The following FRMPD4 variants were observed in gnomAD, a reference collection of about 807,000 sequenced individuals.
FRMPD4 encodes FERM and PDZ domain-containing protein 4.
Under a neutral mutation model 94.1 loss-of-function variants are expected in FRMPD4, and 22 were observed. That is an observed-to-expected ratio of 0.23 (90% CI 0.17 to 0.33). FRMPD4 has a LOEUF of 0.33. Among genes scored for constraint, FRMPD4 ranks in the 10% least tolerant of loss-of-function variants. The pLI, the probability that FRMPD4 is intolerant of heterozygous loss-of-function variation, is 1.00. For synonymous variants in FRMPD4, 631 were observed against 548.6 expected (o/e 1.15, Z -2.10); for missense variants, 1,111 against 1,339.9 (o/e 0.83, Z 2.67).
intron 3 of FRMPD4, among the ~76,000 whole-genome samples, chrX:12,020,877 C>G (rs1280470472): frequency 5.4e-5 from 6 of 111,330 alleles, no homozygotes; most frequent in Non-Finnish European, 7.5e-5. Flanking sequence ...AAATTTTTGT[C>G]TAAAGTCTTG....
rs1432736287 is a variant in FRMPD4 at position 12,074,792 on chromosome X, G to C, written c.95+196774G>C. 6.2e-5 allele frequency among the ~76,000 whole-genome samples: 7 copies of C among 112,242 alleles called. No homozygotes were observed. The East Asian group carries it at 2.0e-3, about 31-fold the overall frequency. On this transcript the variant is annotated intron_variant, in intron 3 of 18. Coordinates refer to the FRMPD4 transcript ENST00000640291. ...CTCTGTGTGGATCTTGCACCATGTC[G>C]AGTGACATAAATAAGATAATCTCTT...
intron 1 of FRMPD4, among the ~76,000 whole-genome samples, chrX:12,391,438 G>C (rs146589584): frequency 4.1e-4 from 46 of 112,132 alleles, no homozygotes; most frequent in Non-Finnish European, 7.3e-4. Context: ...AGAAAAGGAG[G>C]CTTTCTGGTG....
intron 3 of FRMPD4, among the ~76,000 whole-genome samples, chrX:11,911,719 G>A (rs991094732): frequency 3.6e-5 from 4 of 112,179 alleles, no homozygotes; most frequent in Non-Finnish European, 7.5e-5. Context: ...GTGGACACAT[G>A]AAAGGCATCC....
chrX:12,491,760 T>A (rs2057795220), intron 1 of FRMPD4, among the ~76,000 whole-genome samples: 1 of 112,246 alleles, frequency 8.9e-6, no homozygotes, highest in Non-Finnish European at 1.9e-5. Context: ...ATCATGTGCC[T>A]GGCACTAGTC....
At chrX:12,382,417 G>A (rs2056329499) in intron 1 of FRMPD4, among the ~76,000 whole-genome samples, 1 of 110,252 alleles carries the variant, frequency 9.1e-6, no homozygotes, top group Non-Finnish European at 1.9e-5. Flanking sequence ...CATACTTGGG[G>A]ATGCTGTGAC....
At chrX:12,595,516 T>A (rs2059023118) in intron 2 of FRMPD4, among the ~76,000 whole-genome samples, 1 of 112,056 alleles carries the variant, frequency 8.9e-6, no homozygotes, top group African/African-American at 3.2e-5. Flanking sequence ...TGCTGACACA[T>A]GTTAATTATT....
Position 12,723,341 on chromosome X carries a change from C to A in FRMPD4, c.*1483C>A, listed in dbSNP as rs1487260348. The A allele has an allele frequency of 1.8e-5, 2 of 110,784 alleles. No individual in the cohort carries two copies. Among genetic ancestry groups the A allele is most frequent in the Non-Finnish European group, 3.8e-5 (2 of 52,975 alleles). 9.1% of individuals were successfully genotyped at this position (110,784 alleles called of 1,213,427 possible). The stretch of plus-strand genomic sequence containing the variant: ...CCTTAAGAACATGATGGGAGTACAC[C>A]AGGTGCAAATATTTCTACTTTTGTA... On this transcript the variant is annotated 3_prime_UTR_variant, in exon 17 of 17. Coordinates refer to ENST00000675598, the MANE Select transcript of FRMPD4 (RefSeq NM_001368397.1).
In FRMPD4 at chrX:12,163,462, TAAAAAAAAA is replaced by T. The variant is rs201319402; in HGVS notation, c.41+24468_41+24476del. ...TTTTTTTTATTCCAATGACCCTTTG[TAAAAAAAAA>T]AAAAAAAAAAAAAAAAATAGAGTGG... On this transcript the variant is annotated intron_variant, in intron 1 of 16. Coordinates refer to ENST00000675598, the MANE Select transcript of FRMPD4 (RefSeq NM_001368397.1). Among the ~76,000 whole-genome samples, 100 of 67,635 alleles carry T rather than the reference TAAAAAAAAA, an allele frequency of 1.5e-3. 2 individuals are homozygous for T. The South Asian group carries it at 0.058, about 39-fold the overall frequency. The allele number at this position is 67,635 out of a possible 115,157, so 58.7% of individuals were successfully genotyped here. A position where few individuals can be genotyped will look rare whatever the true frequency, so the allele number is the denominator to read the frequency against.
intron 3 of FRMPD4, among the ~76,000 whole-genome samples, chrX:12,037,104 C>T (rs772110216): frequency 8.1e-5 from 9 of 111,479 alleles, no homozygotes; most frequent in African/African-American, 9.8e-5. Context: ...AAAGCTGTAT[C>T]GTGTCTTTCT....
At chrX:11,853,849 G>T (rs1053025590) in intron 1 of FRMPD4, among the ~76,000 whole-genome samples, 4 of 111,937 alleles carry the variant, frequency 3.6e-5, no homozygotes, top group African/African-American at 1.3e-4. Flanking sequence ...AACAATTGAG[G>T]AGGAGGAGGG....
rs181260980 is a variant in FRMPD4, at chrX:12,587,683, T to A, written c.159-22038T>A. Among the ~76,000 whole-genome samples, 307 of 111,198 alleles carry A rather than the reference T, an allele frequency of 2.8e-3. 1 individual carries two copies. Among genetic ancestry groups the A allele is most frequent in the African/African-American group, 9.7e-3 (297 of 30,510 alleles). ...GTGTGTGTGTGTGTGTGTCACTATT[T>A]GTTCATCCATTTATCCATTCATGCA... On this transcript the variant is annotated intron_variant, in intron 2 of 16. Transcript: ENST00000675598.
At chrX:12,459,456 C>T (rs2057370676) in intron 1 of FRMPD4, among the ~76,000 whole-genome samples, 1 of 111,173 alleles carries the variant, frequency 9.0e-6, no homozygotes, top group African/African-American at 3.3e-5. Context: ...TCCTCAAGTC[C>T]CTTACGGTCA....
intron 3 of FRMPD4, among the ~76,000 whole-genome samples, chrX:12,103,270 C>T (rs1463268012): frequency 1.8e-5 from 2 of 112,038 alleles, no homozygotes; most frequent in Non-Finnish European, 3.8e-5. Context: ...ACCATAAACA[C>T]TCCATAAAGA....
At chrX:11,836,352 G>A (rs185117936) in intron 1 of FRMPD4, among the ~76,000 whole-genome samples, 1 of 111,753 alleles carries the variant, frequency 8.9e-6, no homozygotes, top group East Asian at 2.8e-4. Context: ...ATTTTTCCTT[G>A]TGAAAATTAT....
chrX:12,243,648 C>T (rs1164573081), intron 1 of FRMPD4, among the ~76,000 whole-genome samples: 1 of 109,337 alleles, frequency 9.1e-6, no homozygotes, highest in Non-Finnish European at 1.9e-5. Flanking sequence ...AGGAAACAAA[C>T]CTAGTTTTTT....
At chrX:12,533,971 C>T (rs994690984) in intron 2 of FRMPD4, among the ~76,000 whole-genome samples, 8 of 112,783 alleles carry the variant, frequency 7.1e-5, no homozygotes, top group African/African-American at 2.3e-4. Context: ...GAAAATGTCT[C>T]CAGGGCATGT....
intron 2 of FRMPD4, among the ~76,000 whole-genome samples, chrX:12,563,665 T>C (rs147061242): frequency 8.9e-6 from 1 of 111,781 alleles, no homozygotes; most frequent in East Asian, 2.8e-4. Context: ...AACGTGAAAA[T>C]ATTCATGATG....
chrX:11,932,297 A>G (rs1485679319), intron 3 of FRMPD4, among the ~76,000 whole-genome samples: 1 of 112,030 alleles, frequency 8.9e-6, no homozygotes, highest in Non-Finnish European at 1.9e-5. Flanking sequence ...AAGTCAATAT[A>G]TATATTTCAT....
intron 1 of FRMPD4, among the ~76,000 whole-genome samples, chrX:12,168,489 A>G (rs2056161554): frequency 1.8e-5 from 2 of 111,221 alleles, no homozygotes; most frequent in South Asian, 7.5e-4. Context: ...AAGAAAATAT[A>G]ATTTAGGAAG....
Sources: allele counts gnomAD v4.1 joint callset (sites outside exome capture counted in the v4.1 genomes callset), GRCh38; gene constraint gnomAD v4.1.1; transcripts MANE v1.5; gene names NCBI Gene and HGNC (gene_info 2026-07-23, HGNC 2026-07-21).